The following BAZ1A variants were observed in gnomAD, a reference collection of about 807,000 sequenced individuals.
BAZ1A encodes bromodomain adjacent to zinc finger domain 1A.
In BAZ1A, 50 loss-of-function variants were observed where a neutral mutation model predicts 185.2. The ratio of observed to expected loss-of-function variants is 0.27; its 90% confidence interval spans 0.22 to 0.34. The LOEUF (loss-of-function observed/expected upper bound fraction) is 0.34. BAZ1A is among the 10% of genes least tolerant of loss of function. BAZ1A has a pLI of 1.00. For synonymous variants in BAZ1A, 571 were observed against 615.6 expected (o/e 0.93, Z 1.07); for missense variants, 1,356 against 1,839.9 (o/e 0.74, Z 4.81).
chr14:34,801,326 C>T, intron 7 of BAZ1A, 133 bp from the exon 8 acceptor site: 1 of 656,262 alleles, frequency 1.5e-6, no homozygotes, highest in Non-Finnish European at 2.5e-6. Flanking sequence ...AAGTCTCGCT[C>T]TATCCCCCAG....
At chr14:34,786,303 A>T (rs187857818) in intron 12 of BAZ1A, 82 bp from the exon 13 acceptor site, 1 of 1,261,518 alleles carries the variant, frequency 7.9e-7, no homozygotes, top group East Asian at 2.5e-5. Context: ...ATGATGAAAG[A>T]AACAGCAAAC....
Position 34,775,904 on chromosome 14 carries a change from T to G in BAZ1A, c.2833+15A>C, listed in dbSNP as rs1879569160. 1.3e-6 allele frequency: 2 copies of G among 1,554,994 alleles called. No individual in the cohort carries two copies. The highest frequency in any genetic ancestry group is 1.4e-5 in the African/African-American group (1 of 72,328). ...GAGGGAAAAAAAGTAAAAACAATTTTCATTGAAAATTTACCTGAAAAATGA... is the reference window on the plus strand; with the variant it reads ...GAGGGAAAAAAAGTAAAAACAATTTGCATTGAAAATTTACCTGAAAAATGA... On this transcript the variant is annotated intron_variant, in intron 18 of 26. Transcript: ENST00000360310.
rs535077796 is a variant in BAZ1A at position 34,849,387 on chromosome 14, A to C, written c.392+12657T>G. Among the ~76,000 whole-genome samples, 10 of 152,358 alleles carry C rather than the reference A, an allele frequency of 6.6e-5. No homozygotes were observed. The South Asian group carries it at 2.1e-3, about 32-fold the overall frequency. ...TGAAAAAGCTGCTTGCTAATTTTTT[A>C]TGTTAGTATAGTATAGAAAAAACGG... On this transcript the variant is annotated intron_variant, in intron 3 of 26. Coordinates refer to ENST00000360310, the MANE Select transcript of BAZ1A (RefSeq NM_013448.3).
At chr14:34,785,747 G>T in intron 14 of BAZ1A, 30 bp downstream of exon 14, 1 of 1,598,302 alleles carries the variant, frequency 6.3e-7, no homozygotes, top group Non-Finnish European at 8.6e-7. Context: ...AAGTGGGCAG[G>T]TTATGCAAAT....
chr14:34,802,901 C>T lies in BAZ1A; in HGVS notation c.814G>A (p.Ala272Thr), dbSNP rs1881643314. 2.5e-6 allele frequency: 4 copies of T among 1,613,414 alleles called. No individual in the cohort carries two copies. The East Asian group carries it at 8.9e-5, about 36-fold the overall frequency. ...GGAGGTCTCCCTCTTCGTCTGTTAG[C>T]AGGACTGAAGATAAATGTGGGTGGA... ...DDPPTFIFSP[A>T]NRRRGRPPKR... The change falls in exon 7 of 27, where the codon GCT (alanine) becomes ACT (threonine). Residue 272 changes from alanine to threonine, a missense_variant. Physicochemically the swap from Ala to Thr is moderately conservative, Grantham distance 58 (BLOSUM62 0). Around this residue, in one of 7 missense-constraint regions of BAZ1A, gnomAD observed 332 missense variants for 395.3 expected, o/e 0.84. Transcript: ENST00000360310.
rs944750952 is a variant in BAZ1A at position 34,753,119 on chromosome 14, G to C, written c.*389C>G. On this transcript the variant is annotated 3_prime_UTR_variant, in exon 27 of 27. Coordinates refer to ENST00000360310, the MANE Select transcript of BAZ1A (RefSeq NM_013448.3). ...AAGACATAAACACCTTTTCTAAACT[G>C]TGCTATAGCGGAAGACTCATCCATG... The C allele has an allele frequency of 1.1e-5, 2 of 176,470 alleles. No individual in the cohort carries two copies. Among genetic ancestry groups the C allele is most frequent in the Non-Finnish European group, 2.4e-5 (2 of 82,676 alleles). The allele number at this position is 176,470 out of a possible 1,614,324, so 10.9% of individuals were successfully genotyped here. A position where few individuals can be genotyped will look rare whatever the true frequency, so the allele number is the denominator to read the frequency against.
chr14:34,774,246 C>G (rs1028725751), intron 19 of BAZ1A, 81 bp downstream of exon 19: 11 of 1,168,984 alleles, frequency 9.4e-6, no homozygotes, highest in Admixed American at 8.0e-5. Flanking sequence ...TATGCCTTGT[C>G]TATGCCATAT....
chr14:34,839,985 A>G (rs1332997603), intron 3 of BAZ1A, among the ~76,000 whole-genome samples: 1 of 152,118 alleles, frequency 6.6e-6, no homozygotes, highest in African/African-American at 2.4e-5. Context: ...TATAAAACTG[A>G]TTTTTAAAAT....
In BAZ1A at chr14:34,783,201, CCTT is replaced by C. The variant is rs774255589; in HGVS notation, c.2026_2028del (p.Lys676del). On this transcript the variant is annotated inframe_deletion, in exon 16 of 27. Coordinates refer to ENST00000360310, the MANE Select transcript of BAZ1A (RefSeq NM_013448.3). Reference sequence around the variant, plus strand: ...TTCTCTTTCATTTTTTGTTCTTGCTCCTTAAGTTTTTCTTCCTTCCTTTTACGA... The same window carrying C: ...TTCTCTTTCATTTTTTGTTCTTGCTCAAGTTTTTCTTCCTTCCTTTTACGA... The C allele has an allele frequency of 2.5e-6, 4 of 1,599,518 alleles. No individual in the cohort carries two copies. Among genetic ancestry groups the C allele is most frequent in the South Asian group, 2.2e-5 (2 of 89,036 alleles).
At chr14:34,785,104 C>G (rs1480268244) in intron 14 of BAZ1A, among the ~76,000 whole-genome samples, 1 of 152,212 alleles carries the variant, frequency 6.6e-6, no homozygotes, top group East Asian at 1.9e-4. Flanking sequence ...GATCTGCCCA[C>G]CTTGGCCTCC....
chr14:34,771,298 T>C (rs1879201320), intron 21 of BAZ1A: 3 of 494,906 alleles, frequency 6.1e-6, no homozygotes, highest in Non-Finnish European at 3.5e-6. Flanking sequence ...TGTGCCTAGC[T>C]GGTAATCTTT....
chr14:34,780,446 G>A, intron 16 of BAZ1A, 136 bp from the exon 17 acceptor site: 6 of 808,216 alleles, frequency 7.4e-6, no homozygotes, highest in Non-Finnish European at 1.1e-5. Flanking sequence ...TTTTGGTCTT[G>A]CAGAGAAAAC....
At chr14:34,835,710 T>C (rs1336964202) in intron 3 of BAZ1A, among the ~76,000 whole-genome samples, 5 of 151,422 alleles carry the variant, frequency 3.3e-5, no homozygotes, top group Non-Finnish European at 7.4e-5. Flanking sequence ...TTCTCTCTTG[T>C]TGCCAGGCTG....
intron 10 of BAZ1A, among the ~76,000 whole-genome samples, chr14:34,795,380 C>G: frequency 6.6e-6 from 1 of 152,184 alleles, no homozygotes; most frequent in Non-Finnish European, 1.5e-5. Context: ...AGAATCCTTA[C>G]CTAGCAATCA....
At chr14:34,845,063 A>G (rs2042487078) in intron 3 of BAZ1A, among the ~76,000 whole-genome samples, 1 of 152,074 alleles carries the variant, frequency 6.6e-6, no homozygotes, top group Admixed American at 6.6e-5. Context: ...ATGGACCACA[A>G]AGCCTATGAT....
intron 12 of BAZ1A, among the ~76,000 whole-genome samples, chr14:34,787,644 C>T (rs535808734): frequency 7.2e-5 from 11 of 152,278 alleles, no homozygotes; most frequent in Non-Finnish European, 1.5e-4. Context: ...GATCACACCA[C>T]TGCACTCCAG....
chr14:34,759,193 T>TGTTG (rs1886415003), intron 24 of BAZ1A, among the ~76,000 whole-genome samples: 1 of 130,694 alleles, frequency 7.7e-6, no homozygotes, highest in African/African-American at 3.0e-5. Context: ...TTTTTTTTTT[T>TGTTG]TTTTTGAGAT....
intron 3 of BAZ1A, among the ~76,000 whole-genome samples, chr14:34,849,239 A>T (rs2042561346): frequency 6.6e-6 from 1 of 152,220 alleles, no homozygotes; most frequent in African/African-American, 2.4e-5. Flanking sequence ...GCAGTGAGCT[A>T]TGATCGCTGC....
At position 34,753,574 on chromosome 14, in the gene BAZ1A, G is replaced by C; in HGVS notation, c.4605C>G (p.Leu1535=). 6.2e-7 allele frequency: 1 copy of C among 1,614,130 alleles called. No homozygotes were observed. Among genetic ancestry groups the C allele is most frequent in the Non-Finnish European group, 8.5e-7 (1 of 1,180,032 alleles). The change falls in exon 27 of 27, where the codon CTC becomes CTG. Residue 1535 remains leucine, a synonymous_variant. Transcript: ENST00000360310. ...GGTCCACATTACTGGGTGTGACGTG[G>C]AGTCCAAGCTTTTGAGCCTGAATAT... ...FFHIQAQKLG[L]HVTPSNVDQV... is the part of the protein sequence containing the mutation.
Sources: allele counts gnomAD v4.1 joint callset (sites outside exome capture counted in the v4.1 genomes callset), GRCh38; gene constraint gnomAD v4.1.1; regional missense constraint gnomAD v4.1.1; transcripts MANE v1.5; gene names NCBI Gene and HGNC (gene_info 2026-07-23, HGNC 2026-07-21).